EPHB1: variants seen among roughly 807,000 people sequenced by gnomAD.
EPHB1 encodes EPH receptor B1, also known as ephrin type-B receptor 1.
In EPHB1, 30 loss-of-function variants were observed where a neutral mutation model predicts 94.4. That is an observed-to-expected ratio of 0.32 (90% CI 0.24 to 0.43). The LOEUF is 0.43. EPHB1 is among the 20% of genes least tolerant of loss of function. The pLI is 1.00. For synonymous variants in EPHB1, 522 were observed against 489.1 expected, an observed-to-expected ratio of 1.07 and a Z score of -0.89; for missense variants, 1,055 against 1,308.3, an observed-to-expected ratio of 0.81 and a Z score of 2.99.
intron 3 of EPHB1, among the ~76,000 whole-genome samples, chr3:134,988,715 A>G (rs959463951): frequency 7.2e-5 from 11 of 152,166 alleles, no homozygotes; most frequent in African/African-American, 2.2e-4. Context: ...ATGTATAGTA[A>G]TCCTTCCCCA....
chr3:134,928,892 AGAGTGTGTCAGGGAG>A (rs2038850379), intron 2 of EPHB1, among the ~76,000 whole-genome samples: 1 of 152,234 alleles, frequency 6.6e-6, no homozygotes. Context: ...AGCCAGGGGA[AGAGTGTGTCAGGGAG>A]GAGGGCACAA....
chr3:134,873,598 G>A (rs1515367), intron 1 of EPHB1, among the ~76,000 whole-genome samples: 1 of 152,034 alleles, frequency 6.6e-6, no homozygotes, highest in Non-Finnish European at 1.5e-5. Context: ...GTCATGCACC[G>A]AGTTGATGGT....
chr3:134,912,524 T>C (rs2038475131), intron 1 of EPHB1, among the ~76,000 whole-genome samples: 1 of 152,252 alleles, frequency 6.6e-6, no homozygotes, highest in Non-Finnish European at 1.5e-5. Context: ...TTTCCTTTCC[T>C]GGCCTCTGCC....
intron 3 of EPHB1, among the ~76,000 whole-genome samples, chr3:134,992,243 C>G (rs1486401459): frequency 6.6e-6 from 1 of 152,116 alleles, no homozygotes; most frequent in African/African-American, 2.4e-5. Context: ...AGGGAGCAGG[C>G]GGGCTGCTCT....
Position 135,179,953 on chromosome 3 carries a change from T to C in EPHB1, c.1853T>C (p.Phe618Ser), listed in dbSNP as rs1323200067. The change falls in exon 10 of 16, where the codon TTT becomes TCT. Residue 618 changes from phenylalanine to serine, a missense_variant. By Grantham distance (155) the Phe-to-Ser change is radical. Coordinates refer to ENST00000398015, the MANE Select transcript of EPHB1 (RefSeq NM_004441.5). ...REFAKEIDVS[F>S]VKIEEVIGAG... Reference sequence around the variant, plus strand: ...TTTGCCAAGGAGATTGATGTATCTTTTGTGAAAATTGAAGAGGTCATCGGA... The same window carrying C: ...TTTGCCAAGGAGATTGATGTATCTTCTGTGAAAATTGAAGAGGTCATCGGA... 1 of 1,613,950 alleles carries C rather than the reference T, an allele frequency of 6.2e-7. No individual in the cohort carries two copies. Among genetic ancestry groups the C allele is most frequent in the Admixed American group, 1.7e-5 (1 of 60,028 alleles).
At chr3:135,219,036 C>T (rs1943218627) in intron 12 of EPHB1, among the ~76,000 whole-genome samples, 1 of 152,114 alleles carries the variant, frequency 6.6e-6, no homozygotes, top group Admixed American at 6.5e-5. Flanking sequence ...AGCCTGAGCT[C>T]AAGCACAGGT....
intron 1 of EPHB1, among the ~76,000 whole-genome samples, chr3:134,892,436 C>T (rs994454843): frequency 2.0e-5 from 3 of 152,202 alleles, no homozygotes; most frequent in African/African-American, 7.2e-5. Flanking sequence ...AGCAGGGGTA[C>T]CAATAACAGG....
intron 3 of EPHB1, among the ~76,000 whole-genome samples, chr3:135,042,263 A>G (rs1236487538): frequency 6.6e-6 from 1 of 152,116 alleles, no homozygotes; most frequent in Non-Finnish European, 1.5e-5. Flanking sequence ...CTTCTGTGAT[A>G]ATATCCTTAA....
intron 1 of EPHB1, among the ~76,000 whole-genome samples, chr3:134,913,194 G>A (rs73224317): frequency 0.21 from 31,370 of 152,000 alleles, 3,353 homozygotes; most frequent in Middle Eastern, 0.28. Flanking sequence ...GGAGGCCAAA[G>A]CGAGGGAGGC....
intron 11 of EPHB1, among the ~76,000 whole-genome samples, chr3:135,200,213 TG>T (rs965883965): frequency 5.9e-5 from 9 of 152,182 alleles, no homozygotes; most frequent in African/African-American, 2.2e-4. Context: ...ATTTAACTGG[TG>T]TGTGCAAAGT....
intron 12 of EPHB1, among the ~76,000 whole-genome samples, chr3:135,235,093 T>G (rs2107725792): frequency 6.6e-6 from 1 of 152,346 alleles, no homozygotes. Context: ...TATTTTTTGT[T>G]AGTGCCTTGA....
intron 3 of EPHB1, among the ~76,000 whole-genome samples, chr3:134,972,352 AT>A (rs1312470328): frequency 6.8e-6 from 1 of 146,024 alleles, no homozygotes; most frequent in Non-Finnish European, 1.5e-5. Flanking sequence ...AAATATCTAT[AT>A]CATACGTGTT....
intron 2 of EPHB1, among the ~76,000 whole-genome samples, chr3:134,939,586 C>G (rs1211046374): frequency 2.6e-5 from 4 of 152,206 alleles, no homozygotes; most frequent in Non-Finnish European, 4.4e-5. Context: ...AATTAGCCCT[C>G]TAGCTTGTCT....
chr3:135,118,526 C>T (rs73862010), intron 4 of EPHB1, among the ~76,000 whole-genome samples: 4,849 of 152,204 alleles, frequency 0.032, 252 homozygotes, highest in African/African-American at 0.11. Context: ...CAGCAAAGCC[C>T]GTATTTCCTT....
chr3:135,243,575 C>A (rs1349776820), intron 13 of EPHB1, among the ~76,000 whole-genome samples: 1 of 152,160 alleles, frequency 6.6e-6, no homozygotes, highest in Non-Finnish European at 1.5e-5. Context: ...GACTTCATGC[C>A]CATTCAGAAA....
Position 135,166,134 on chromosome 3 carries a change from C to T in EPHB1, c.1694+58C>T, listed in dbSNP as rs533348896. On this transcript the variant is annotated intron_variant, in intron 8 of 15. Transcript: ENST00000398015. ...ACCCAGGAAGCCCCTCTCCATGTGC[C>T]GTTTCCCAGGCTGCGTGGATCAGAT... 25 of 1,343,220 alleles carry T rather than the reference C, an allele frequency of 1.9e-5. No homozygotes were observed. In the Middle Eastern group the frequency reaches 7.3e-4, roughly 39 times the overall value. 83.2% of individuals were successfully genotyped at this position (1,343,220 alleles called of 1,614,324 possible). A position where few individuals can be genotyped will look rare whatever the true frequency, so the allele number is the denominator to read the frequency against.
intron 3 of EPHB1, among the ~76,000 whole-genome samples, chr3:135,033,398 C>T (rs1257097762): frequency 1.3e-5 from 2 of 152,174 alleles, no homozygotes; most frequent in African/African-American, 2.4e-5. Context: ...CCAGTCAACT[C>T]ACACCTGTAG....
chr3:134,910,791 G>A (rs911727752), intron 1 of EPHB1, among the ~76,000 whole-genome samples: 1 of 152,222 alleles, frequency 6.6e-6, no homozygotes, highest in African/African-American at 2.4e-5. Flanking sequence ...AGACAAGAGT[G>A]TGCCGTACTC....
chr3:135,069,741 C>T (rs1937642069), intron 3 of EPHB1, among the ~76,000 whole-genome samples: 1 of 152,078 alleles, frequency 6.6e-6, no homozygotes, highest in African/African-American at 2.4e-5. Flanking sequence ...CCACTTTGAG[C>T]TTTCAGTACT....
Sources: allele counts gnomAD v4.1 joint callset (sites outside exome capture counted in the v4.1 genomes callset), GRCh38; gene constraint gnomAD v4.1.1; transcripts MANE v1.5; gene names NCBI Gene and HGNC (gene_info 2026-07-23, HGNC 2026-07-21).